Variants in ARID1B observed in about 807,000 individuals in gnomAD.
The protein encoded by ARID1B is AT-rich interactive domain-containing protein 1B.
A neutral mutation model predicts 212.3 loss-of-function variants in ARID1B; 30 were observed. The observed-to-expected ratio is 0.14, with a 90% CI of 0.11 to 0.19. The LOEUF (loss-of-function observed/expected upper bound fraction) is 0.19, where lower values mean the gene tolerates loss of function less well. Ranked by LOEUF, ARID1B falls within the 10% of genes least tolerant of loss-of-function variation. ARID1B has a pLI of 1.00. For synonymous variants in ARID1B, 1,402 were observed against 1,301.7 expected, an observed-to-expected ratio of 1.08 and a Z score of -1.66; for missense variants, 2,891 against 3,204.0, an observed-to-expected ratio of 0.90 and a Z score of 2.36.
chr6:157,037,225 C>T (rs73581947), intron 4 of ARID1B, among the ~76,000 whole-genome samples: 7,745 of 152,236 alleles, frequency 0.051, 340 homozygotes, highest in African/African-American at 0.12. Context: ...GTATTTAGTT[C>T]ATAGCTCCAG....
At chr6:157,132,400 G>C (rs922416169) in intron 6 of ARID1B, among the ~76,000 whole-genome samples, 1 of 152,230 alleles carries the variant, frequency 6.6e-6, no homozygotes, top group Admixed American at 6.5e-5. Flanking sequence ...CTGCTGGGGC[G>C]CAGCAGAATA....
At chr6:156,868,531 G>C (rs1785876899) in intron 2 of ARID1B, among the ~76,000 whole-genome samples, 1 of 152,162 alleles carries the variant, frequency 6.6e-6, no homozygotes, top group African/African-American at 2.4e-5. Context: ...TCTGGCGAGG[G>C]CCTGTTTCCT....
intron 4 of ARID1B, among the ~76,000 whole-genome samples, chr6:157,032,546 C>T (rs767801919): frequency 6.6e-6 from 1 of 152,098 alleles, no homozygotes; most frequent in Non-Finnish European, 1.5e-5. Flanking sequence ...TAGCTACAGG[C>T]CCACCATAGA....
intron 8 of ARID1B, among the ~76,000 whole-genome samples, chr6:157,159,324 A>G (rs140813481): frequency 6.6e-6 from 1 of 152,362 alleles, no homozygotes; most frequent in African/African-American, 2.4e-5. Flanking sequence ...GCAACCAGAC[A>G]ACACCATGTT....
At chr6:157,045,670 A>T (rs1442821121) in intron 4 of ARID1B, among the ~76,000 whole-genome samples, 2 of 151,938 alleles carry the variant, frequency 1.3e-5, no homozygotes, top group African/African-American at 2.4e-5. Context: ...CAAAACTAGC[A>T]AACAGTTTTT....
At chr6:157,001,216 G>A (rs1428169501) in intron 4 of ARID1B, among the ~76,000 whole-genome samples, 2 of 152,124 alleles carry the variant, frequency 1.3e-5, no homozygotes, top group African/African-American at 4.8e-5. Flanking sequence ...GTTCATTTTC[G>A]AAGATATCTT....
chr6:157,058,477 C>T (rs1314975355), intron 4 of ARID1B, among the ~76,000 whole-genome samples: 2 of 152,136 alleles, frequency 1.3e-5, no homozygotes, highest in African/African-American at 4.8e-5. Flanking sequence ...ATTGGCCAGA[C>T]TGGTCTTGAA....
At chr6:156,929,860 C>T (rs1486406607) in intron 3 of ARID1B, among the ~76,000 whole-genome samples, 1 of 152,096 alleles carries the variant, frequency 6.6e-6, no homozygotes, top group Non-Finnish European at 1.5e-5. Flanking sequence ...GTGCTCCTTT[C>T]CCTCCTCCAT....
intron 5 of ARID1B, among the ~76,000 whole-genome samples, chr6:157,090,213 C>A (rs1024433153): frequency 6.6e-6 from 1 of 152,074 alleles, no homozygotes; most frequent in Admixed American, 6.5e-5. Flanking sequence ...CTGTAAGCAG[C>A]GGCAGTGTTT....
At chr6:156,894,100 G>T (rs1404898727) in intron 2 of ARID1B, among the ~76,000 whole-genome samples, 2 of 151,932 alleles carry the variant, frequency 1.3e-5, no homozygotes, top group African/African-American at 2.4e-5. Flanking sequence ...GCCTTAAAAC[G>T]GAATGAAACA....
intron 2 of ARID1B, among the ~76,000 whole-genome samples, chr6:156,888,910 TA>T (rs1787723542): frequency 6.6e-6 from 1 of 152,112 alleles, no homozygotes; most frequent in Non-Finnish European, 1.5e-5. Flanking sequence ...GGAAAATACT[TA>T]TTTTTTAATT....
intron 4 of ARID1B, among the ~76,000 whole-genome samples, chr6:156,981,936 A>G (rs1174958809): frequency 6.6e-6 from 1 of 151,958 alleles, no homozygotes; most frequent in African/African-American, 2.4e-5. Context: ...CTTAAGAGAC[A>G]TCCCTTCTGG....
chr6:157,007,911 C>T (rs1400972758), intron 4 of ARID1B, among the ~76,000 whole-genome samples: 1 of 151,894 alleles, frequency 6.6e-6, no homozygotes, highest in Non-Finnish European at 1.5e-5. Flanking sequence ...CTCCTGACCT[C>T]GGGATCCGCC....
At chr6:156,934,909 T>TA (rs1792038567) in intron 3 of ARID1B, among the ~76,000 whole-genome samples, 1 of 92,142 alleles carries the variant, frequency 1.1e-5, no homozygotes, top group Non-Finnish European at 2.1e-5. Flanking sequence ...ATTTAGTTGT[T>TA]AATTATATAT....
At chr6:156,847,642 A>G (rs1413573443) in intron 2 of ARID1B, among the ~76,000 whole-genome samples, 2 of 152,224 alleles carry the variant, frequency 1.3e-5, no homozygotes, top group Non-Finnish European at 2.9e-5. Flanking sequence ...AGATGATCCT[A>G]GTGTTGTAAA....
Position 156,778,924 on chromosome 6 carries a change from G to GAGGAGC in ARID1B, c.1251_1256dup (p.Gly420_Ala421dup), listed in dbSNP as rs1323804393. On this transcript the variant is annotated inframe_insertion, in exon 1 of 20. Transcript: ENST00000636930. ...GGAGGAGGAGGAGGAGCAGGAGCAG[G>GAGGAGC]AGGAGCAGGAGCGGGAGCTGTGGCG... 1.9e-5 allele frequency: 25 copies of GAGGAGC among 1,322,114 alleles called. No individual in the cohort carries two copies. The Admixed American group carries it at 2.9e-4, about 15-fold the overall frequency. The allele number at this position is 1,322,114 out of a possible 1,614,324, so 81.9% of individuals were successfully genotyped here. A position where few individuals can be genotyped will look rare whatever the true frequency, so the allele number is the denominator to read the frequency against.
At chr6:156,838,736 C>CA (rs1185354802) in intron 2 of ARID1B, among the ~76,000 whole-genome samples, 2,524 of 82,182 alleles carry the variant, frequency 0.031, 70 homozygotes, top group African/African-American at 0.11. Context: ...TAATAATAAA[C>CA]AAAAAAAACC....
At chr6:156,934,667 A>G (rs907258436) in intron 3 of ARID1B, among the ~76,000 whole-genome samples, 1 of 151,924 alleles carries the variant, frequency 6.6e-6, no homozygotes, top group Non-Finnish European at 1.5e-5. Context: ...ACCTGTTAAG[A>G]TATAGTTGAT....
At chr6:156,904,251 T>C (rs1220801528) in intron 3 of ARID1B, among the ~76,000 whole-genome samples, 1 of 152,236 alleles carries the variant, frequency 6.6e-6, no homozygotes, top group African/African-American at 2.4e-5. Context: ...CATATTTTTT[T>C]CCTCATCCCC....
Sources: gnomAD v4.1 joint callset for allele counts (sites outside exome capture counted in the v4.1 genomes callset) on GRCh38, gnomAD v4.1.1 for gene constraint, MANE v1.5 for transcripts, NCBI Gene and HGNC (gene_info 2026-07-23, HGNC 2026-07-21) for gene names.